RASSF5: variants seen among roughly 807,000 people sequenced by gnomAD.
RASSF5 encodes Ras association domain family member 5, also known as ras association domain-containing protein 5.
Under a neutral mutation model 40.5 loss-of-function variants are expected in RASSF5, and 25 were observed. The observed-to-expected ratio is 0.62, with a 90% CI of 0.45 to 0.86. RASSF5 has a LOEUF of 0.86. Among genes scored for constraint, RASSF5 ranks in the 40% least tolerant of loss-of-function variants. The pLI is 0.00. For synonymous variants in RASSF5, 246 were observed against 252.4 expected, an observed-to-expected ratio of 0.97 and a Z score of 0.24; for missense variants, 521 against 572.8, an observed-to-expected ratio of 0.91 and a Z score of 0.92.
At chr1:206,510,486 C>T (rs782648891) in intron 1 of RASSF5, among the ~76,000 whole-genome samples, 2 of 152,138 alleles carry the variant, frequency 1.3e-5, no homozygotes, top group Admixed American at 6.5e-5. Flanking sequence ...AAATGCAATA[C>T]GAATGTTTAA....
chr1:206,563,090 C>G (rs1668191072), intron 2 of RASSF5, among the ~76,000 whole-genome samples: 1 of 152,220 alleles, frequency 6.6e-6, no homozygotes, highest in Admixed American at 6.5e-5. Flanking sequence ...GTTAGATTGG[C>G]AGGTGGGGAT....
intron 2 of RASSF5, among the ~76,000 whole-genome samples, chr1:206,574,853 C>CTTTTTTTT (rs71570015): frequency 3.5e-5 from 3 of 86,072 alleles, no homozygotes; most frequent in Non-Finnish European, 6.6e-5. Context: ...GGACCAATGA[C>CTTTTTTTT]TTTTTTTTTT....
At chr1:206,520,816 G>A (rs1171250416) in intron 1 of RASSF5, among the ~76,000 whole-genome samples, 1 of 152,164 alleles carries the variant, frequency 6.6e-6, no homozygotes, top group Admixed American at 6.5e-5. Context: ...CATGTTTGGT[G>A]CATAGAAAGC....
In RASSF5 at chr1:206,535,750, G is replaced by C. The variant is rs929800949; in HGVS notation, c.458-2422G>C. Among the ~76,000 whole-genome samples the C allele has an allele frequency of 4.0e-5, 6 of 150,446 alleles. No homozygotes were observed. Among genetic ancestry groups the C allele is most frequent in the African/African-American group, 1.2e-4 (5 of 40,072 alleles). ...TGTGTGTGTGTGTGTGTGTGAGAGA[G>C]AGAGAGAGAGATGGAAATTGAGAGA... is the stretch of plus-strand genomic sequence containing the variant. On this transcript the variant is annotated intron_variant, in intron 1 of 5. Coordinates refer to ENST00000579436, the MANE Select transcript of RASSF5 (RefSeq NM_182663.4). The surrounding 1 kb of genome is among the most constrained non-coding windows in gnomAD (Gnocchi z 5.0).
chr1:206,579,995 G>A lies in RASSF5; in HGVS notation c.580-3274G>A, dbSNP rs997185379. 1.3e-5 allele frequency among the ~76,000 whole-genome samples: 2 copies of A among 152,146 alleles called. No individual in the cohort carries two copies. Among genetic ancestry groups the A allele is most frequent in the Non-Finnish European group, 2.9e-5 (2 of 68,032 alleles). ...GACATTCGTAGTGTTGGCTACACAC[G>A]GGGCTCCTGGCACTCCCAGACAGGG... On this transcript the variant is annotated intron_variant, in intron 2 of 5. Transcript: ENST00000579436. This position sits in a 1 kb window ranked among gnomAD's most constrained non-coding sequence, Gnocchi z 4.2.
intron 2 of RASSF5, among the ~76,000 whole-genome samples, chr1:206,548,114 A>G (rs1421969628): frequency 6.6e-6 from 1 of 152,186 alleles, no homozygotes; most frequent in East Asian, 1.9e-4. Flanking sequence ...TATTTCTAAC[A>G]ATAAATTTAC....
In RASSF5 at chr1:206,535,853, C is replaced by T. The variant is rs1667379117; in HGVS notation, c.458-2319C>T. On this transcript the variant is annotated intron_variant, in intron 1 of 5. Coordinates refer to ENST00000579436, the MANE Select transcript of RASSF5 (RefSeq NM_182663.4). The surrounding 1 kb of genome is among the most constrained non-coding windows in gnomAD (Gnocchi z 5.0). ...AAAGAGGAGGAGAGAGAAATTCCTCCTCTCCCAGGTGCCTTCCCATTTGTG... is the reference window on the plus strand; with the variant it reads ...AAAGAGGAGGAGAGAGAAATTCCTCTTCTCCCAGGTGCCTTCCCATTTGTG... Among the ~76,000 whole-genome samples the T allele has an allele frequency of 6.6e-6, 1 of 151,990 alleles. No homozygotes were observed. The highest frequency in any genetic ancestry group is 2.4e-5 in the African/African-American group (1 of 41,356).
At chr1:206,509,597 G>A (rs980716508) in intron 1 of RASSF5, among the ~76,000 whole-genome samples, 5 of 152,198 alleles carry the variant, frequency 3.3e-5, no homozygotes, top group Admixed American at 6.5e-5. Context: ...AGAGGCAGGA[G>A]CCTCACTGAA....
chr1:206,527,601 G>C (rs1331328711), intron 1 of RASSF5, among the ~76,000 whole-genome samples: 1 of 152,168 alleles, frequency 6.6e-6, no homozygotes, highest in Non-Finnish European at 1.5e-5. Context: ...AGCCTCCAAG[G>C]CTGAGTGGCT....
At chr1:206,582,444 TTAGTCTCAA>T (rs1195011182) in intron 2 of RASSF5, among the ~76,000 whole-genome samples, 1 of 152,328 alleles carries the variant, frequency 6.6e-6, no homozygotes, top group African/African-American at 2.4e-5. Context: ...TAAACTTCTC[TTAGTCTCAA>T]TAGTCTCACC....
intron 1 of RASSF5, among the ~76,000 whole-genome samples, chr1:206,508,488 C>G (rs1553394203): frequency 6.6e-6 from 1 of 152,062 alleles, no homozygotes; most frequent in Non-Finnish European, 1.5e-5. Flanking sequence ...ACCGTTTGAC[C>G]CTTGCTTATT....
At chr1:206,575,971 C>A (rs888890360) in intron 2 of RASSF5, among the ~76,000 whole-genome samples, 1 of 152,154 alleles carries the variant, frequency 6.6e-6, no homozygotes, top group African/African-American at 2.4e-5. Context: ...GCCTGAGACT[C>A]CCCAGGCTGT....
At chr1:206,542,266 G>C (rs1667563671) in intron 2 of RASSF5, 1 of 152,188 alleles carries the variant, frequency 6.6e-6, no homozygotes, top group East Asian at 1.9e-4. Flanking sequence ...CATGGGGGTG[G>C]ATCCCTCATG....
chr1:206,572,319 G>A (rs1230421462), intron 2 of RASSF5, among the ~76,000 whole-genome samples: 1 of 152,134 alleles, frequency 6.6e-6, no homozygotes, highest in South Asian at 2.1e-4. Context: ...AGCTTCTTCC[G>A]AGATAGCCCA....
intron 1 of RASSF5, chr1:206,528,840 C>T: frequency 2.4e-6 from 1 of 413,376 alleles, no homozygotes; most frequent in Non-Finnish European, 4.2e-6. Context: ...GAGTTTGAGA[C>T]CAGCCTGGGC....
At chr1:206,514,719 T>A (rs557387907) in intron 1 of RASSF5, among the ~76,000 whole-genome samples, 6 of 152,328 alleles carry the variant, frequency 3.9e-5, no homozygotes, top group South Asian at 2.1e-4. Context: ...CTTATTTTTT[T>A]AAAATCCTTT....
chr1:206,531,334 G>A lies in RASSF5; in HGVS notation c.458-6838G>A, dbSNP rs1345550778. Reference sequence around the variant, plus strand: ...GGGCTGCAGAAAGGGTCGCATTCAGGAACTGTGGCCGAGGAGATCCGGAGC... The same window carrying A: ...GGGCTGCAGAAAGGGTCGCATTCAGAAACTGTGGCCGAGGAGATCCGGAGC... On this transcript the variant is annotated intron_variant, in intron 1 of 5. Transcript: ENST00000579436. This position sits in a 1 kb window ranked among gnomAD's most constrained non-coding sequence, Gnocchi z 4.7. Among the ~76,000 whole-genome samples, 1 of 152,260 alleles carries A rather than the reference G, an allele frequency of 6.6e-6. No individual in the cohort carries two copies. The highest frequency in any genetic ancestry group is 2.4e-5 in the African/African-American group (1 of 41,470).
chr1:206,548,335 A>C (rs1301255628), intron 2 of RASSF5, among the ~76,000 whole-genome samples: 1 of 152,186 alleles, frequency 6.6e-6, no homozygotes, highest in African/African-American at 2.4e-5. Context: ...GGCTTTACTC[A>C]TGGCGGAAGG....
chr1:206,518,398 G>A (rs764930660), intron 1 of RASSF5: 2 of 398,602 alleles, frequency 5.0e-6, no homozygotes, highest in Non-Finnish European at 8.8e-6. Flanking sequence ...ATGACCGAGG[G>A]CCAGGAGGAG....
Sources: allele counts gnomAD v4.1 joint callset (sites outside exome capture counted in the v4.1 genomes callset), GRCh38; gene constraint gnomAD v4.1.1; non-coding constraint Gnocchi (gnomAD v3.1); transcripts MANE v1.5; gene names NCBI Gene and HGNC (gene_info 2026-07-23, HGNC 2026-07-21).